DVL2: variants seen among roughly 807,000 people sequenced by gnomAD.
The protein encoded by DVL2 is dishevelled segment polarity protein 2, also known as segment polarity protein dishevelled homolog DVL-2.
A neutral mutation model predicts 69.8 loss-of-function variants in DVL2; 38 were observed. The ratio of observed to expected loss-of-function variants is 0.54; its 90% CI spans 0.42 to 0.71. The LOEUF is 0.71. Ranked by LOEUF, DVL2 falls within the 30% of genes least tolerant of loss-of-function variation. DVL2 has a pLI of 0.00. For missense variants in DVL2, 931 were observed against 1,008.1 expected (o/e 0.92, Z 1.04); for synonymous variants, 428 against 392.4 (o/e 1.09, Z -1.07).
rs372444549 is a variant in DVL2, at chr17:7,229,081, G to A, written c.958-36C>T. 1,159 of 1,614,044 alleles carry A rather than the reference G, an allele frequency of 7.2e-4. 4 individuals are homozygous for A. The highest frequency in any genetic ancestry group is 8.6e-4 in the Non-Finnish European group (1,013 of 1,180,024). On this transcript the variant is annotated intron_variant, in intron 8 of 14. Transcript: ENST00000005340. The surrounding 1 kb of genome is among the most constrained non-coding windows in gnomAD (Gnocchi z 4.4). Reference sequence around the variant, plus strand: ...CGGCAAGTGGGTCAGAGACACGGTGGGAGAGGCTGAGGGCCCCCGTGCAGG... The same window carrying A: ...CGGCAAGTGGGTCAGAGACACGGTGAGAGAGGCTGAGGGCCCCCGTGCAGG...
Position 7,234,168 on chromosome 17 carries a change from G to A in DVL2, c.95C>T (p.Pro32Leu), listed in dbSNP as rs1195960792. ...GAGGGTGATGCGCTCGGCGGGGACA[G>A]GGATCTTCACCAGGTAGGGAGTCTC... is the stretch of plus-strand genomic sequence containing the variant. ...EEETPYLVKI[P>L]VPAERITLGD... The change falls in exon 1 of 15, where the codon CCT (proline) becomes CTT (leucine). Residue 32 changes from proline (P) to leucine (L), a missense_variant. Physicochemically the swap from Pro to Leu is moderately conservative, Grantham distance 98 (BLOSUM62 -3). This residue lies in a region of DVL2 where 555 missense variants were observed against 588.8 expected (regional missense o/e 0.94). Transcript: ENST00000005340. The A allele has an allele frequency of 1.2e-6, 2 of 1,614,148 alleles. No individual in the cohort carries two copies. Among genetic ancestry groups the A allele is most frequent in the Non-Finnish European group, 1.7e-6 (2 of 1,180,024 alleles).
rs749880912 is a variant in DVL2, at chr17:7,234,113, G to A, written c.150C>T (p.Pro50=). The A allele has an allele frequency of 6.2e-7, 1 of 1,614,014 alleles. No individual in the cohort carries two copies. Among genetic ancestry groups the A allele is most frequent in the African/African-American group, 1.3e-5 (1 of 74,894 alleles). The stretch of plus-strand genomic sequence containing the variant: ...ACTTGAAAAAGTACTTGGCGCCCGC[G>A]GGCCGCTGCAGGACGCTCTTGAAAT... ...LGDFKSVLQR[P]AGAKYFFKSM... Residue 50 remains proline (P), a synonymous_variant, in exon 1 of 15, where the codon CCC becomes CCT. Coordinates refer to ENST00000005340, the MANE Select transcript of DVL2 (RefSeq NM_004422.3).
chr17:7,227,509 G>A lies in DVL2; in HGVS notation c.1258C>T (p.His420Tyr), dbSNP rs369536247. Residue 420 changes from histidine (H) to tyrosine (Y), a missense_variant, in exon 12 of 15, where the codon CAT becomes TAT. His to Tyr is a moderately conservative substitution (Grantham distance 83). Around this residue, in one of 3 missense-constraint regions of DVL2, gnomAD observed 555 missense variants for 588.8 expected, o/e 0.94. Coordinates refer to ENST00000005340, the MANE Select transcript of DVL2 (RefSeq NM_004422.3). ...TTGGTCACCGATGCCATGTCCGTAT[G>A]GACGGAGAGACCCCGGCCTTCACAG... ...DGCEGRGLSV[H>Y]TDMASVTKAM... 5.5e-5 allele frequency: 88 copies of A among 1,613,990 alleles called. No individual in the cohort carries two copies. Among genetic ancestry groups the A allele is most frequent in the African/African-American group, 1.5e-4 (11 of 74,950 alleles).
Position 7,234,304 on chromosome 17 carries a change from G to A in DVL2, c.-42C>T, listed in dbSNP as rs575827484. 3.8e-6 allele frequency: 6 copies of A among 1,579,172 alleles called. No individual in the cohort carries two copies. Among genetic ancestry groups the A allele is most frequent in the South Asian group, 1.2e-5 (1 of 86,610 alleles). ...TCCCGGGCTCCACCGCCCACCCAAA[G>A]GGCTAATGGCCCCTGCCGCGCCTGC... On this transcript the variant is annotated 5_prime_UTR_variant, in exon 1 of 15. Transcript: ENST00000005340.
chr17:7,231,980 G>A (rs529926932), intron 1 of DVL2, among the ~76,000 whole-genome samples: 4 of 152,064 alleles, frequency 2.6e-5, no homozygotes, highest in Non-Finnish European at 4.4e-5. Context: ...GTGCCTCACT[G>A]GGCACAAAAT....
chr17:7,227,238 G>A lies in DVL2; in HGVS notation c.1395C>T (p.His465=), dbSNP rs374542663. ...CCCGCCGCTCAGGAAAGCCCTCCAC[G>A]TGATGGTAGAGCCAGTCAACCACAT... ...GSDVVDWLYH[H]VEGFPERREA... is the part of the protein sequence containing the mutation. Residue 465 remains histidine (H), a synonymous_variant, in exon 13 of 15, where the codon CAC becomes CAT. Coordinates refer to ENST00000005340, the MANE Select transcript of DVL2 (RefSeq NM_004422.3). 1.7e-5 allele frequency: 27 copies of A among 1,613,004 alleles called. No individual in the cohort carries two copies. Among genetic ancestry groups the A allele is most frequent in the Admixed American group, 8.3e-5 (5 of 59,934 alleles).
rs139415550 is a variant in DVL2 at position 7,228,706 on chromosome 17, T to A, written c.1034+263A>T. The A allele has an allele frequency of 1.8e-3, 754 of 429,652 alleles. 6 individuals carry two copies. The highest frequency in any genetic ancestry group is 0.014 in the African/African-American group (699 of 49,740). The allele number at this position is 429,652 out of a possible 1,614,324, so 26.6% of individuals were successfully genotyped here. ...AAGTGATTCTCCTGTCTCAGCCACC[T>A]CACTAGCTGGGACTACAGGCATGTG... On this transcript the variant is annotated intron_variant, in intron 9 of 14. Transcript: ENST00000005340.
chr17:7,226,823 G>A (rs774173844), intron 13 of DVL2, 184 bp from the exon 14 acceptor site: 4 of 634,978 alleles, frequency 6.3e-6, no homozygotes, highest in Non-Finnish European at 1.1e-5. Flanking sequence ...CAGGGGCACA[G>A]CCACTAGCCC....
chr17:7,229,995 C>G lies in DVL2; in HGVS notation c.520+51G>C, dbSNP rs764442377. ...CCAAGCTTCCCCCTGCTCACCCCAC[C>G]AAGGCTGGGGTCTGGCCCAGCCCTT... On this transcript the variant is annotated intron_variant, in intron 4 of 14. Transcript: ENST00000005340. This position sits in a 1 kb window ranked among gnomAD's most constrained non-coding sequence, Gnocchi z 4.4. 2 of 1,610,888 alleles carry G rather than the reference C, an allele frequency of 1.2e-6. No individual in the cohort carries two copies. Among genetic ancestry groups the G allele is most frequent in the East Asian group, 4.5e-5 (2 of 44,862 alleles).
In DVL2 at chr17:7,229,746, G is replaced by A; in HGVS notation, c.656+62C>T. The A allele has an allele frequency of 6.3e-7, 1 of 1,587,822 alleles. No individual in the cohort carries two copies. Among genetic ancestry groups the A allele is most frequent in the Non-Finnish European group, 8.6e-7 (1 of 1,163,082 alleles). On this transcript the variant is annotated intron_variant, in intron 5 of 14. Transcript: ENST00000005340. The surrounding 1 kb of genome is among the most constrained non-coding windows in gnomAD (Gnocchi z 4.4). ...GTCATGGGGCCAAGAGAAAGAACAA[G>A]AGGATTGACTGGAAGACGAGACGGG...
In DVL2 at chr17:7,226,068, G is replaced by A. The variant is rs1394803820; in HGVS notation, c.2008C>T (p.Pro670Ser). The change falls in exon 15 of 15, where the codon CCC (proline) becomes TCC (serine). Residue 670 changes from proline (P) to serine (S), a missense_variant. Physicochemically the swap from Pro to Ser is moderately conservative, Grantham distance 74. This residue lies in a region of DVL2 where 314 missense variants were observed against 313.7 expected (regional missense o/e 1.00). Transcript: ENST00000005340. ...TTGTAGGGGAGGGCCATGCCAGGGGGCGGTCCATAGGGATGGAGCCCTGGG... is the reference window on the plus strand; with the variant it reads ...TTGTAGGGGAGGGCCATGCCAGGGGACGGTCCATAGGGATGGAGCCCTGGG... The part of the protein sequence containing the change: ...AHPGLHPYGP[P>S]PGMALPYNPM... 1 of 1,602,468 alleles carries A rather than the reference G, an allele frequency of 6.2e-7. No individual in the cohort carries two copies. The highest frequency in any genetic ancestry group is 8.5e-7 in the Non-Finnish European group (1 of 1,173,554).
rs527299458 is a variant in DVL2 at position 7,233,926 on chromosome 17, G to C, written c.194+143C>G. On this transcript the variant is annotated intron_variant, in intron 1 of 14. Transcript: ENST00000005340. ...GCATAACCTTGTCCATCCTGGGATA[G>C]TCAACCTACCTCAGCATAGTACAAT... is the stretch of plus-strand genomic sequence containing the variant. 2.1e-4 allele frequency: 178 copies of C among 864,508 alleles called. 4 individuals carry two copies. The South Asian group carries it at 2.6e-3, about 13-fold the overall frequency. 53.6% of individuals were successfully genotyped at this position (864,508 alleles called of 1,614,324 possible).
chr17:7,234,075 T>C lies in DVL2; in HGVS notation c.188A>G (p.Asp63Gly). The stretch of plus-strand genomic sequence containing the variant: ...ATCTAGGCCTTGCGCTCACCCGAAA[T>C]CCTGATCCATAGACTTGAAAAAGTA... ...AKYFFKSMDQ[D>G]FGVVKEEISD... The change falls in exon 1 of 15, where the codon GAT becomes GGT. Residue 63 changes from aspartate to glycine, a missense_variant. Physicochemically the swap from Asp to Gly is moderately conservative, Grantham distance 94. Around this residue, in one of 3 missense-constraint regions of DVL2, gnomAD observed 555 missense variants for 588.8 expected, o/e 0.94. Coordinates refer to ENST00000005340, the MANE Select transcript of DVL2 (RefSeq NM_004422.3). 1 of 1,613,892 alleles carries C rather than the reference T, an allele frequency of 6.2e-7. No homozygotes were observed. The highest frequency in any genetic ancestry group is 8.5e-7 in the Non-Finnish European group (1 of 1,179,992).
At chr17:7,230,529 G>A (rs2071527339) in intron 2 of DVL2, 99 bp from the exon 3 acceptor site, 10 of 1,507,460 alleles carry the variant, frequency 6.6e-6, no homozygotes, top group Admixed American at 4.0e-5. Context: ...GAGAGCTGGA[G>A]AAGAGCAAAA....
intron 1 of DVL2, 67 bp downstream of exon 1, chr17:7,234,002 G>A: frequency 4.6e-6 from 7 of 1,537,926 alleles, no homozygotes; most frequent in South Asian, 2.3e-5. Context: ...GTAGACGTGT[G>A]CCCCTCCATG....
At position 7,227,801 on chromosome 17, in the gene DVL2, C is replaced by G. The variant is rs377746549; in HGVS notation, c.1103-18G>C. On this transcript the variant is annotated intron_variant, in intron 10 of 14. Transcript: ENST00000005340. ...GGGCTCATCTGGGACAAAGATGGCACCAAAATGACCCATTCTCAGTCCCCA... is the reference window on the plus strand; with the variant it reads ...GGGCTCATCTGGGACAAAGATGGCAGCAAAATGACCCATTCTCAGTCCCCA... The G allele has an allele frequency of 2.1e-5, 33 of 1,560,062 alleles. 1 individual carries two copies. In the African/African-American group the frequency reaches 4.2e-4, roughly 20 times the overall value.
In DVL2 at chr17:7,228,022, T is replaced by C; in HGVS notation, c.1057A>G (p.Lys353Glu). 6.4e-7 allele frequency: 1 copy of C among 1,552,784 alleles called. No individual in the cohort carries two copies. ...GCCTGAGGAGAGGGATCCCAGCACT[T>C]GGCCACAGTCAGCACAATGGGGCTA... is the stretch of plus-strand genomic sequence containing the variant. ...KPGPIVLTVA[K>E]CWDPSPQAYF... Residue 353 changes from lysine (K) to glutamate (E), a missense_variant, in exon 10 of 15, where the codon AAG becomes GAG. Coordinates refer to ENST00000005340, the MANE Select transcript of DVL2 (RefSeq NM_004422.3).
At chr17:7,228,791 A>G in intron 9 of DVL2, 178 bp downstream of exon 9, 1 of 607,924 alleles carries the variant, frequency 1.6e-6, no homozygotes, top group South Asian at 2.0e-5. Flanking sequence ...CACATTGGTC[A>G]GGCTGGTCTC....
At chr17:7,230,599 C>T in intron 2 of DVL2, 129 bp downstream of exon 2, 2 of 1,326,756 alleles carry the variant, frequency 1.5e-6, no homozygotes, top group Non-Finnish European at 2.1e-6. Context: ...CGCCGGCTCT[C>T]CAAACAGACA....
Sources: allele counts gnomAD v4.1 joint callset (sites outside exome capture counted in the v4.1 genomes callset), GRCh38; gene constraint gnomAD v4.1.1; regional missense constraint gnomAD v4.1.1; non-coding constraint Gnocchi (gnomAD v3.1); transcripts MANE v1.5; gene names NCBI Gene and HGNC (gene_info 2026-07-23, HGNC 2026-07-21).